The following ADAMTS3 variants were observed in gnomAD, a reference collection of about 807,000 sequenced individuals.
The protein encoded by ADAMTS3 is ADAM metallopeptidase with thrombospondin type 1 motif 3.
In ADAMTS3, 73 loss-of-function variants were observed where a neutral mutation model predicts 129.0. The observed-to-expected ratio is 0.57, with a 90% CI of 0.47 to 0.69. The LOEUF (loss-of-function observed/expected upper bound fraction) is 0.69, where lower values mean the gene tolerates loss of function less well. ADAMTS3 is among the 30% of genes least tolerant of loss of function. The pLI is 0.00. For synonymous variants in ADAMTS3, 477 were observed against 510.8 expected (o/e 0.93, Z 0.89); for missense variants, 1,457 against 1,514.5 (o/e 0.96, Z 0.63).
At chr4:72,419,583 C>T (rs185220085) in intron 3 of ADAMTS3, among the ~76,000 whole-genome samples, 2 of 152,246 alleles carry the variant, frequency 1.3e-5, no homozygotes, top group South Asian at 2.1e-4. Flanking sequence ...AACACAAATT[C>T]GTAAACTTTC....
intron 4 of ADAMTS3, among the ~76,000 whole-genome samples, chr4:72,363,622 G>C (rs964924927): frequency 1.3e-5 from 2 of 152,002 alleles, no homozygotes; most frequent in Admixed American, 6.6e-5. Flanking sequence ...GAATAGTCTG[G>C]GAAGCCCAGG....
At chr4:72,554,730 C>T (rs1721721588) in intron 2 of ADAMTS3, among the ~76,000 whole-genome samples, 1 of 151,822 alleles carries the variant, frequency 6.6e-6, no homozygotes, top group African/African-American at 2.4e-5. Flanking sequence ...TGAAAAGCTG[C>T]AAGTACCAAG....
At chr4:72,504,641 A>T (rs1720111207) in intron 3 of ADAMTS3, among the ~76,000 whole-genome samples, 2 of 151,916 alleles carry the variant, frequency 1.3e-5, no homozygotes, top group Non-Finnish European at 2.9e-5. Context: ...ATTTTCTTAA[A>T]TTTTTCATTC....
intron 4 of ADAMTS3, among the ~76,000 whole-genome samples, chr4:72,342,447 T>A (rs562520172): frequency 6.0e-5 from 9 of 149,768 alleles, no homozygotes; most frequent in Non-Finnish European, 1.3e-4. Context: ...CACTGCAACC[T>A]CTGCCTCCCC....
At position 72,538,920 on chromosome 4, in the gene ADAMTS3, A is replaced by G. The variant is rs1030736832; in HGVS notation, c.504+9558T>C. Reference sequence around the variant, plus strand: ...CAAGACCATTCAATTGAGAAAAGACAGTCTTTTCAACAAATGGAGCTTGGA... The same window carrying G: ...CAAGACCATTCAATTGAGAAAAGACGGTCTTTTCAACAAATGGAGCTTGGA... On this transcript the variant is annotated intron_variant, in intron 3 of 21. Transcript: ENST00000286657. 2.0e-5 allele frequency among the ~76,000 whole-genome samples: 3 copies of G among 152,208 alleles called. No homozygotes were observed. The South Asian group carries it at 6.2e-4, about 31-fold the overall frequency.
intron 19 of ADAMTS3, 69 bp downstream of exon 19, chr4:72,295,585 T>C: frequency 6.7e-7 from 1 of 1,500,168 alleles, no homozygotes. Flanking sequence ...AAATCAAAAC[T>C]AAAAAGAGCT....
At chr4:72,477,126 C>G (rs1391455273) in intron 3 of ADAMTS3, among the ~76,000 whole-genome samples, 3 of 151,952 alleles carry the variant, frequency 2.0e-5, no homozygotes, top group Admixed American at 1.3e-4. Context: ...GGGAGCAAAG[C>G]AGAGATGTCT....
intron 3 of ADAMTS3, among the ~76,000 whole-genome samples, chr4:72,531,638 T>C (rs539398185): frequency 2.0e-5 from 3 of 152,272 alleles, no homozygotes; most frequent in African/African-American, 7.2e-5. Flanking sequence ...CTGAAGATCT[T>C]AGGCTTTCTC....
intron 4 of ADAMTS3, among the ~76,000 whole-genome samples, chr4:72,380,516 G>T (rs1721259574): frequency 6.6e-6 from 1 of 152,124 alleles, no homozygotes. Flanking sequence ...TTGCTCACTG[G>T]ATCAAACAAG....
intron 3 of ADAMTS3, among the ~76,000 whole-genome samples, chr4:72,544,912 TA>T (rs1225585297): frequency 6.6e-6 from 1 of 152,092 alleles, no homozygotes; most frequent in African/African-American, 2.4e-5. Flanking sequence ...ATTTAATTTT[TA>T]AAAATTATTA....
chr4:72,389,291 A>G (rs914208939), intron 4 of ADAMTS3, among the ~76,000 whole-genome samples: 1 of 152,232 alleles, frequency 6.6e-6, no homozygotes, highest in South Asian at 2.1e-4. Flanking sequence ...AATAAAAAAG[A>G]AAATTCAGAA....
intron 3 of ADAMTS3, among the ~76,000 whole-genome samples, chr4:72,479,121 G>A (rs1444675959): frequency 1.3e-5 from 2 of 152,000 alleles, no homozygotes; most frequent in East Asian, 1.9e-4. Context: ...ATACTGCCCA[G>A]GGTAATTTAT....
At chr4:72,351,750 C>T (rs1248641882) in intron 4 of ADAMTS3, among the ~76,000 whole-genome samples, 24 of 151,652 alleles carry the variant, frequency 1.6e-4, no homozygotes. Context: ...CCTTAGCAAA[C>T]ATGGATATCA....
chr4:72,368,058 G>A (rs764543842), intron 4 of ADAMTS3, among the ~76,000 whole-genome samples: 7 of 152,154 alleles, frequency 4.6e-5, no homozygotes, highest in Non-Finnish European at 8.8e-5. Context: ...AATGTTTAGT[G>A]TTAAATGTCA....
intron 5 of ADAMTS3, chr4:72,330,375 T>C (rs1044653527): frequency 3.9e-5 from 6 of 152,150 alleles, no homozygotes; most frequent in African/African-American, 1.4e-4. Context: ...GTGAGGGCCA[T>C]CTGTTCAACT....
At chr4:72,485,067 C>T (rs765305566) in intron 3 of ADAMTS3, among the ~76,000 whole-genome samples, 1 of 152,044 alleles carries the variant, frequency 6.6e-6, no homozygotes, top group Non-Finnish European at 1.5e-5. Context: ...AAGAGAAATG[C>T]AGCATATTAT....
chr4:72,445,210 T>C (rs1362140694), intron 3 of ADAMTS3, among the ~76,000 whole-genome samples: 3 of 151,736 alleles, frequency 2.0e-5, no homozygotes, highest in Non-Finnish European at 4.4e-5. Context: ...CACAACTCAA[T>C]AAAGCTATTA....
In ADAMTS3 at chr4:72,323,082, G is replaced by A; in HGVS notation, c.877C>T (p.His293Tyr). The change falls in exon 6 of 22, where the codon CAT (histidine) becomes TAT (tyrosine). Residue 293 changes from histidine (H) to tyrosine (Y), a missense_variant. Transcript: ENST00000286657. ...TLMNIVNEIYHDESLGVHINV... is the reference protein window; with the variant it reads ...TLMNIVNEIYYDESLGVHINV... ...ATATGCACTCCGAGGGACTCATCAT[G>A]GTAAATTTCATTCACCTAGCAACAA... 6.2e-7 allele frequency: 1 copy of A among 1,612,668 alleles called. No homozygotes were observed. The highest frequency in any genetic ancestry group is 8.5e-7 in the Non-Finnish European group (1 of 1,179,228).
At chr4:72,433,696 T>C (rs1722751046) in intron 3 of ADAMTS3, among the ~76,000 whole-genome samples, 1 of 151,888 alleles carries the variant, frequency 6.6e-6, no homozygotes, top group South Asian at 2.1e-4. Flanking sequence ...CCAAAATATG[T>C]CTCTTAATGT....
Sources: gnomAD v4.1 joint callset for allele counts (sites outside exome capture counted in the v4.1 genomes callset) on GRCh38, gnomAD v4.1.1 for gene constraint, MANE v1.5 for transcripts, NCBI Gene and HGNC (gene_info 2026-07-23, HGNC 2026-07-21) for gene names.